The following TASP1 variants were observed in gnomAD, a reference collection of about 807,000 sequenced individuals.
The protein encoded by TASP1 is taspase 1.
TASP1 carries 16 observed loss-of-function variants against 56.6 expected under a neutral mutation model. The observed-to-expected ratio is 0.28, with a 90% CI of 0.19 to 0.43. The LOEUF (loss-of-function observed/expected upper bound fraction) is 0.43. Ranked by LOEUF, TASP1 falls within the 20% of genes least tolerant of loss-of-function variation. The pLI is 1.00. For synonymous variants in TASP1, 179 were observed against 184.2 expected, an observed-to-expected ratio of 0.97 and a Z score of 0.23; for missense variants, 393 against 511.6, an observed-to-expected ratio of 0.77 and a Z score of 2.24.
the TASP1 span, among the ~76,000 whole-genome samples, chr20:13,116,326 G>C: frequency 6.6e-6 from 1 of 152,204 alleles, no homozygotes; most frequent in African/African-American, 2.4e-5. Flanking sequence ...ACGGTTGTTT[G>C]AATTGTTTGA....
chr20:13,291,404 G>A, the TASP1 span, among the ~76,000 whole-genome samples: 1 of 152,200 alleles, frequency 6.6e-6, no homozygotes, highest in Admixed American at 6.5e-5. Flanking sequence ...TTATTACACT[G>A]TAAAAGTTTG....
the TASP1 span, among the ~76,000 whole-genome samples, chr20:13,351,925 C>A: frequency 1.3e-5 from 2 of 152,186 alleles, no homozygotes; most frequent in East Asian, 3.8e-4. Context: ...CACTTGAAAT[C>A]TGGCAAGCAT....
At chr20:13,560,702 CTT>C (rs371889266) in intron 7 of TASP1, among the ~76,000 whole-genome samples, 38 of 152,228 alleles carry the variant, frequency 2.5e-4, no homozygotes, top group African/African-American at 9.1e-4. Context: ...CTCTGAGAAA[CTT>C]TTGGTCTCAT....
At chr20:13,179,462 A>G in the TASP1 span, among the ~76,000 whole-genome samples, 3 of 149,120 alleles carry the variant, frequency 2.0e-5, no homozygotes, top group Non-Finnish European at 3.0e-5. Context: ...GAATTAGAAA[A>G]TAAACAATTT....
At chr20:13,511,958 C>T (rs145840883) in intron 10 of TASP1, among the ~76,000 whole-genome samples, 2 of 152,016 alleles carry the variant, frequency 1.3e-5, no homozygotes, top group African/African-American at 4.8e-5. Context: ...TGGCTGTATA[C>T]TATTCCATGG....
the TASP1 span, among the ~76,000 whole-genome samples, chr20:13,332,350 C>A: frequency 1.5e-3 from 230 of 152,260 alleles, no homozygotes; most frequent in African/African-American, 5.4e-3. Context: ...CAGTCTCCCT[C>A]TTGACTTGTC....
the TASP1 span, among the ~76,000 whole-genome samples, chr20:13,235,691 T>C: frequency 1.3e-5 from 2 of 152,170 alleles, no homozygotes; most frequent in African/African-American, 2.4e-5. Flanking sequence ...TCACTTTCCA[T>C]CTTTTTTCAG....
At chr20:13,618,286 G>A (rs1247596940) in intron 4 of TASP1, among the ~76,000 whole-genome samples, 11 of 152,118 alleles carry the variant, frequency 7.2e-5, no homozygotes, top group South Asian at 6.2e-4. Context: ...GGTGGCGCAC[G>A]CCTGTAGTCC....
In TASP1 at chr20:13,472,458, C is replaced by T. The variant is rs181555384; in HGVS notation, c.985+10769G>A. Reference sequence around the variant, plus strand: ...TCATGACTAAAACACCAAAAGCAATCGCAACAAAAGCCAAAATTGACAAAT... The same window carrying T: ...TCATGACTAAAACACCAAAAGCAATTGCAACAAAAGCCAAAATTGACAAAT... On this transcript the variant is annotated intron_variant, in intron 11 of 13. Transcript: ENST00000337743. Among the ~76,000 whole-genome samples, 59 of 150,906 alleles carry T rather than the reference C, an allele frequency of 3.9e-4. 1 individual carries two copies. In the Middle Eastern group the frequency reaches 0.021, roughly 53 times the overall value.
At chr20:13,214,603 A>T in the TASP1 span, among the ~76,000 whole-genome samples, 2 of 152,088 alleles carry the variant, frequency 1.3e-5, no homozygotes, top group Non-Finnish European at 2.9e-5. Context: ...AAAGACAGAG[A>T]CAGAGAGAGA....
chr20:13,449,379 C>T (rs915844850), intron 11 of TASP1, among the ~76,000 whole-genome samples: 1 of 152,026 alleles, frequency 6.6e-6, no homozygotes, highest in African/African-American at 2.4e-5. Context: ...CTTATATACC[C>T]AATTTTACCA....
the TASP1 span, among the ~76,000 whole-genome samples, chr20:13,309,417 G>A: frequency 2.0e-5 from 3 of 152,036 alleles, no homozygotes; most frequent in Non-Finnish European, 2.9e-5. Context: ...TAGAAGAAAT[G>A]CACCTCAACA....
At chr20:13,374,022 G>A in the TASP1 span, among the ~76,000 whole-genome samples, 2 of 152,036 alleles carry the variant, frequency 1.3e-5, no homozygotes, top group Admixed American at 1.3e-4. Context: ...AAAATCTCCT[G>A]TTGAGCCCCT....
At chr20:13,256,395 C>CAAA in the TASP1 span, among the ~76,000 whole-genome samples, 27 of 71,690 alleles carry the variant, frequency 3.8e-4, no homozygotes, top group African/African-American at 6.5e-4. Flanking sequence ...GACCCCGTCT[C>CAAA]AAAAAAAAAA....
chr20:13,476,885 T>A (rs912510128), intron 11 of TASP1, among the ~76,000 whole-genome samples: 1 of 152,078 alleles, frequency 6.6e-6, no homozygotes, highest in Non-Finnish European at 1.5e-5. Context: ...CAAAAAAGAA[T>A]ACATTTTCTT....
At chr20:13,392,935 G>A (rs1216506667) in intron 13 of TASP1, 10 of 622,602 alleles carry the variant, frequency 1.6e-5, no homozygotes, top group Non-Finnish European at 2.7e-5. Context: ...AATCAAATGG[G>A]GCCATGCTGG....
chr20:13,218,742 C>T, the TASP1 span, among the ~76,000 whole-genome samples: 2 of 152,098 alleles, frequency 1.3e-5, no homozygotes, highest in African/African-American at 4.8e-5. Context: ...AAAACAGAGC[C>T]CTGCTGGCAA....
At chr20:13,572,563 G>A (rs751337742) in intron 6 of TASP1, among the ~76,000 whole-genome samples, 1 of 151,376 alleles carries the variant, frequency 6.6e-6, no homozygotes, top group Non-Finnish European at 1.5e-5. Flanking sequence ...GCACGCACCT[G>A]TAATCCCAGC....
chr20:13,471,828 T>C (rs1466957261), intron 11 of TASP1, among the ~76,000 whole-genome samples: 1 of 152,034 alleles, frequency 6.6e-6, no homozygotes, highest in East Asian at 1.9e-4. Flanking sequence ...ACTCAGAAAG[T>C]GGGTGCAGAC....
Sources: allele counts gnomAD v4.1 joint callset (sites outside exome capture counted in the v4.1 genomes callset), GRCh38; gene constraint gnomAD v4.1.1; transcripts MANE v1.5; gene names NCBI Gene and HGNC (gene_info 2026-07-23, HGNC 2026-07-21).